SECISBP2L: variants seen among roughly 807,000 people sequenced by gnomAD.
The protein encoded by SECISBP2L is selenocysteine insertion sequence-binding protein 2-like.
In SECISBP2L, 43 loss-of-function variants were observed where a neutral mutation model predicts 114.7. The ratio of observed to expected loss-of-function variants is 0.38; its 90% CI spans 0.29 to 0.48. The LOEUF (loss-of-function observed/expected upper bound fraction) is 0.48. Among genes scored for constraint, SECISBP2L ranks in the 20% least tolerant of loss-of-function variants. The pLI is 0.98. For missense variants in SECISBP2L, 1,136 were observed against 1,301.1 expected, an observed-to-expected ratio of 0.87 and a Z score of 1.95; for synonymous variants, 451 against 439.7, an observed-to-expected ratio of 1.03 and a Z score of -0.32.
chr15:49,008,893 A>G (rs905642367), intron 14 of SECISBP2L, among the ~76,000 whole-genome samples: 11 of 152,232 alleles, frequency 7.2e-5, no homozygotes, highest in South Asian at 2.1e-4. Context: ...TATAAACAAA[A>G]AAGCAAAAGC....
chr15:49,002,109 T>G (rs1201421605), intron 14 of SECISBP2L, among the ~76,000 whole-genome samples: 3 of 152,212 alleles, frequency 2.0e-5, no homozygotes, highest in Non-Finnish European at 2.9e-5. Context: ...CTCCGCATCC[T>G]CTCCAGTGTC....
intron 4 of SECISBP2L, among the ~76,000 whole-genome samples, chr15:49,032,583 A>G (rs1025390133): frequency 1.3e-5 from 2 of 152,206 alleles, no homozygotes; most frequent in African/African-American, 4.8e-5. Flanking sequence ...TTCTACAAAG[A>G]TATATAGGAT....
At chr15:49,036,025 A>G (rs12909616) in intron 2 of SECISBP2L, among the ~76,000 whole-genome samples, 78,500 of 152,092 alleles carry the variant, frequency 0.52, 22,204 homozygotes, top group Non-Finnish European at 0.63. Context: ...AAGGTACACA[A>G]CCGTGACAGC....
At chr15:49,039,529 C>CTT (rs1207046596) in intron 1 of SECISBP2L, among the ~76,000 whole-genome samples, 1 of 135,562 alleles carries the variant, frequency 7.4e-6, no homozygotes, top group African/African-American at 2.7e-5. Context: ...TTTTTTCTTT[C>CTT]TTTTTTTTTT....
rs141727378 is a variant in SECISBP2L, at chr15:49,035,644, T to C, written c.218A>G (p.Tyr73Cys). Residue 73 changes from tyrosine to cysteine, a missense_variant, in exon 3 of 18, where the codon TAT (tyrosine) becomes TGT (cysteine). Tyr to Cys is a radical substitution (Grantham distance 194, BLOSUM62 -2). Around this residue, in one of 2 missense-constraint regions of SECISBP2L, gnomAD observed 452 missense variants for 452.3 expected, o/e 1.00. Coordinates refer to ENST00000559471, the MANE Select transcript of SECISBP2L (RefSeq NM_001193489.2). ...ENQSNRQFPL[Y>C]NNDIRWQQPN... ...TTGTTGCCATCGTATATCATTGTTA[T>C]ATAAAGGAAACTGTCTGCAAAACCA... 6.2e-7 allele frequency: 1 copy of C among 1,604,998 alleles called. No individual in the cohort carries two copies. Among genetic ancestry groups the C allele is most frequent in the South Asian group, 1.1e-5 (1 of 90,264 alleles).
In SECISBP2L at chr15:49,033,095, C is replaced by T. The variant is rs750731806; in HGVS notation, c.534G>A (p.Gln178=). 1.9e-6 allele frequency: 3 copies of T among 1,607,096 alleles called. No individual in the cohort carries two copies. The highest frequency in any genetic ancestry group is 2.2e-5 in the East Asian group (1 of 44,832). Reference sequence around the variant, plus strand: ...TGCTTTTTATGTGCTGTTGTAAAAGCTGTTGCTGATTTAAAAAAAAAACAA... The same window carrying T: ...TGCTTTTTATGTGCTGTTGTAAAAGTTGTTGCTGATTTAAAAAAAAAACAA... The part of the protein sequence containing the change: ...SNRGSVVPKQ[Q]LLQQHIKSKR... Residue 178 remains glutamine (Q), a synonymous_variant, in exon 4 of 18, where the codon CAG becomes CAA. Coordinates refer to ENST00000559471, the MANE Select transcript of SECISBP2L (RefSeq NM_001193489.2).
intron 1 of SECISBP2L, among the ~76,000 whole-genome samples, chr15:49,041,882 A>G (rs1161453257): frequency 2.6e-5 from 4 of 152,274 alleles, no homozygotes; most frequent in African/African-American, 7.2e-5. Context: ...TGCTTAAGAG[A>G]TAACTACTAG....
chr15:49,037,804 T>C (rs1903044421), intron 1 of SECISBP2L, 35 bp from the exon 2 acceptor site: 1 of 1,539,014 alleles, frequency 6.5e-7, no homozygotes, highest in Non-Finnish European at 8.8e-7. Context: ...TAATAACAAA[T>C]GAGCAAGCAA....
At chr15:49,030,365 G>A (rs927123680) in intron 4 of SECISBP2L, among the ~76,000 whole-genome samples, 16 of 152,022 alleles carry the variant, frequency 1.1e-4, no homozygotes, top group Non-Finnish European at 2.1e-4. Flanking sequence ...TCTCTTTCTA[G>A]GGGGAGGCTC....
rs767575934 is a variant in SECISBP2L at position 48,992,403 on chromosome 15, T to A, written c.3147A>T (p.Gly1049=). 1 of 1,614,180 alleles carries A rather than the reference T, an allele frequency of 6.2e-7. No homozygotes were observed. The highest frequency in any genetic ancestry group is 8.5e-7 in the Non-Finnish European group (1 of 1,180,046). The change falls in exon 18 of 18, where the codon GGA becomes GGT. Residue 1049 remains glycine (G), a synonymous_variant. Coordinates refer to ENST00000559471, the MANE Select transcript of SECISBP2L (RefSeq NM_001193489.2). ...CCTCAGGCGCCTCTGCTTCCTCTTCTCCACTTTGCTCTACATTGTCTTCCT... is the reference window on the plus strand; with the variant it reads ...CCTCAGGCGCCTCTGCTTCCTCTTCACCACTTTGCTCTACATTGTCTTCCT... The part of the protein sequence containing the change: ...GSEEDNVEQS[G]EEEAEAPEVL...
At chr15:49,044,621 A>C (rs1047080387) in intron 1 of SECISBP2L, among the ~76,000 whole-genome samples, 1 of 152,208 alleles carries the variant, frequency 6.6e-6, no homozygotes, top group Non-Finnish European at 1.5e-5. Context: ...TGGAAGAAAA[A>C]AAAGTCAACA....
intron 14 of SECISBP2L, among the ~76,000 whole-genome samples, chr15:49,002,939 T>C (rs575359576): frequency 6.6e-6 from 1 of 152,324 alleles, no homozygotes; most frequent in East Asian, 1.9e-4. Flanking sequence ...ATGGGCTCTT[T>C]TTTGGTTCCA....
chr15:48,992,249 T>C lies in SECISBP2L; in HGVS notation c.3301A>G (p.Thr1101Ala), dbSNP rs139677574. 104 of 1,596,986 alleles carry C rather than the reference T, an allele frequency of 6.5e-5. No homozygotes were observed. The East Asian group carries it at 7.4e-4, about 11-fold the overall frequency. ...GAGAGCCGACATTTCCTGAGTTACG[T>C]AGTTTGCGTTGTGTAATTAGAATCA... is the stretch of plus-strand genomic sequence containing the variant. ...HSDSNYTTQT[T>A] Residue 1101 changes from threonine (T) to alanine (A), a missense_variant, in exon 18 of 18, where the codon ACG becomes GCG. Coordinates refer to ENST00000559471, the MANE Select transcript of SECISBP2L (RefSeq NM_001193489.2).
intron 16 of SECISBP2L, 115 bp downstream of exon 16, chr15:48,999,718 G>A: frequency 8.9e-7 from 1 of 1,122,212 alleles, no homozygotes. Flanking sequence ...TTCTTTCAGG[G>A]TTGTCAACTC....
At chr15:49,011,971 A>C in intron 12 of SECISBP2L, 108 bp from the exon 13 acceptor site, 1 of 1,305,954 alleles carries the variant, frequency 7.7e-7, no homozygotes, top group African/African-American at 1.5e-5. Context: ...AAACATGAAC[A>C]TGAGAAGTTT....
At chr15:49,018,715 A>G (rs1467493652) in intron 8 of SECISBP2L, among the ~76,000 whole-genome samples, 1 of 152,228 alleles carries the variant, frequency 6.6e-6, no homozygotes, top group African/African-American at 2.4e-5. Context: ...ATCTTGACAC[A>G]TACAAATTCT....
chr15:49,044,630 C>T (rs928246997), intron 1 of SECISBP2L, among the ~76,000 whole-genome samples: 5 of 152,142 alleles, frequency 3.3e-5, no homozygotes, highest in African/African-American at 1.2e-4. Context: ...AAAAAGTCAA[C>T]AGAAAACCTT....
At chr15:49,030,253 T>C (rs1159921048) in intron 4 of SECISBP2L, among the ~76,000 whole-genome samples, 3 of 152,104 alleles carry the variant, frequency 2.0e-5, no homozygotes, top group East Asian at 3.9e-4. Flanking sequence ...GTACTTAGAG[T>C]AGTATCCAAG....
At chr15:49,019,116 T>G (rs1419428058) in intron 8 of SECISBP2L, among the ~76,000 whole-genome samples, 1 of 152,148 alleles carries the variant, frequency 6.6e-6, no homozygotes, top group Non-Finnish European at 1.5e-5. Flanking sequence ...AAAAATTAAG[T>G]GAAAAAGCTC....
Sources: allele counts gnomAD v4.1 joint callset (sites outside exome capture counted in the v4.1 genomes callset), GRCh38; gene constraint gnomAD v4.1.1; regional missense constraint gnomAD v4.1.1; transcripts MANE v1.5; gene names NCBI Gene and HGNC (gene_info 2026-07-23, HGNC 2026-07-21).